The following MAPK10 variants were observed in gnomAD, a reference collection of about 807,000 sequenced individuals.
MAPK10 encodes the protein JNK3 alpha protein kinase.
In MAPK10, 25 loss-of-function variants were observed where a neutral mutation model predicts 59.3. The ratio of observed to expected loss-of-function variants is 0.42; its 90% CI spans 0.31 to 0.59. The LOEUF is 0.59. Among genes scored for constraint, MAPK10 ranks in the 20% least tolerant of loss-of-function variants. The pLI is 0.15. For synonymous variants in MAPK10, 190 were observed against 200.5 expected, an observed-to-expected ratio of 0.95 and a Z score of 0.44; for missense variants, 351 against 568.9, an observed-to-expected ratio of 0.62 and a Z score of 3.90.
chr4:86,324,375 C>T (rs555092076), intron 2 of MAPK10, among the ~76,000 whole-genome samples: 2 of 151,884 alleles, frequency 1.3e-5, no homozygotes, highest in Middle Eastern at 3.4e-3. Flanking sequence ...CGTGCCATTG[C>T]ACTCCAACCT....
chr4:86,562,717 A>C (rs571545957), intron 1 of MAPK10, among the ~76,000 whole-genome samples: 7 of 152,098 alleles, frequency 4.6e-5, no homozygotes, highest in Non-Finnish European at 4.4e-5. Flanking sequence ...ATAAAAAAAA[A>C]CAACTTTACC....
intron 2 of MAPK10, among the ~76,000 whole-genome samples, chr4:86,233,146 C>G (rs986739531): frequency 1.3e-5 from 2 of 152,172 alleles, no homozygotes; most frequent in Admixed American, 6.5e-5. Flanking sequence ...CAAAAAAGCT[C>G]TTGGCATCAC....
intron 1 of MAPK10, among the ~76,000 whole-genome samples, chr4:86,554,511 C>G (rs1760102148): frequency 6.6e-6 from 1 of 152,202 alleles, no homozygotes; most frequent in Non-Finnish European, 1.5e-5. Context: ...AAAAATTCAT[C>G]TGGAGTGTCC....
chr4:86,168,994 G>A (rs2073026519), intron 3 of MAPK10, among the ~76,000 whole-genome samples: 1 of 152,152 alleles, frequency 6.6e-6, no homozygotes, highest in African/African-American at 2.4e-5. Context: ...CAGACCTGCA[G>A]CTGAGGGTCC....
At chr4:86,319,162 T>C (rs1324182009) in intron 2 of MAPK10, among the ~76,000 whole-genome samples, 1 of 151,994 alleles carries the variant, frequency 6.6e-6, no homozygotes, top group Non-Finnish European at 1.5e-5. Context: ...AATCTATTGA[T>C]AAAGGAAGAG....
chr4:86,203,650 C>A (rs2083145062), intron 2 of MAPK10, among the ~76,000 whole-genome samples: 1 of 150,180 alleles, frequency 6.7e-6, no homozygotes, highest in Non-Finnish European at 1.5e-5. Flanking sequence ...TTTATAACAG[C>A]CTGCAAGCAT....
chr4:86,316,186 G>A (rs911645193), intron 2 of MAPK10, among the ~76,000 whole-genome samples: 5 of 152,054 alleles, frequency 3.3e-5, no homozygotes, highest in Admixed American at 3.3e-4. Context: ...CAAAGAAAAA[G>A]AGATAGCAAA....
chr4:86,547,782 C>T (rs939480173), intron 1 of MAPK10, among the ~76,000 whole-genome samples: 5 of 152,192 alleles, frequency 3.3e-5, no homozygotes, highest in East Asian at 1.9e-4. Context: ...CACTCTGTAT[C>T]TAGCTCAAGG....
chr4:86,245,824 C>G (rs2093048658), intron 2 of MAPK10, among the ~76,000 whole-genome samples: 1 of 152,120 alleles, frequency 6.6e-6, no homozygotes, highest in Non-Finnish European at 1.5e-5. Context: ...CCTTCTGGTC[C>G]AGTTTTCTGA....
intron 2 of MAPK10, among the ~76,000 whole-genome samples, chr4:86,276,305 T>A (rs1305030698): frequency 1.3e-5 from 2 of 152,098 alleles, no homozygotes; most frequent in African/African-American, 2.4e-5. Context: ...TCAAATTAAT[T>A]TCACTCTTTT....
chr4:86,216,186 T>C (rs896302769), intron 2 of MAPK10, among the ~76,000 whole-genome samples: 3 of 151,432 alleles, frequency 2.0e-5, no homozygotes, highest in Admixed American at 2.0e-4. Flanking sequence ...ATAGCAGTAT[T>C]ATTCACACTA....
chr4:86,506,508 A>T, intron 1 of MAPK10, among the ~76,000 whole-genome samples: 1 of 152,186 alleles, frequency 6.6e-6, no homozygotes, highest in South Asian at 2.1e-4. Context: ...CCTGGCACAG[A>T]GTAAGTGCTG....
chr4:86,120,726 G>A (rs533708063), intron 4 of MAPK10: 7 of 152,086 alleles, frequency 4.6e-5, no homozygotes, highest in African/African-American at 9.6e-5. Flanking sequence ...TTATCTAGTC[G>A]ATGTTTTAGT....
At chr4:86,505,351 C>T (rs535125871) in intron 1 of MAPK10, among the ~76,000 whole-genome samples, 1 of 152,130 alleles carries the variant, frequency 6.6e-6, no homozygotes, top group Non-Finnish European at 1.5e-5. Flanking sequence ...TGGCTCACAC[C>T]TATAATCTCA....
chr4:86,592,212 T>C (rs190629513), intron 1 of MAPK10, among the ~76,000 whole-genome samples: 2 of 152,302 alleles, frequency 1.3e-5, no homozygotes, highest in East Asian at 3.9e-4. Context: ...TTTTACATTA[T>C]ATCCAAAAGG....
At chr4:86,304,622 G>A (rs867993034) in intron 2 of MAPK10, among the ~76,000 whole-genome samples, 2 of 151,702 alleles carry the variant, frequency 1.3e-5, no homozygotes, top group Non-Finnish European at 2.9e-5. Flanking sequence ...TCGATCTCCT[G>A]ACCTTGTGAT....
chr4:86,407,420 G>A (rs551293910), intron 1 of MAPK10, among the ~76,000 whole-genome samples: 1 of 152,256 alleles, frequency 6.6e-6, no homozygotes, highest in African/African-American at 2.4e-5. Flanking sequence ...AAAGATGAGT[G>A]CAGAGTGGGG....
At chr4:86,109,751 G>A (rs1230290530) in intron 4 of MAPK10, among the ~76,000 whole-genome samples, 5 of 152,092 alleles carry the variant, frequency 3.3e-5, no homozygotes, top group East Asian at 3.9e-4. Context: ...GTATATACCC[G>A]GTAATGGAAT....
chr4:86,588,473 C>G (rs768630732), intron 1 of MAPK10, among the ~76,000 whole-genome samples: 2 of 152,062 alleles, frequency 1.3e-5, no homozygotes, highest in Non-Finnish European at 2.9e-5. Flanking sequence ...AAACAGAAAT[C>G]AGATCATACT....
Sources: gnomAD v4.1 joint callset for allele counts (sites outside exome capture counted in the v4.1 genomes callset) on GRCh38, gnomAD v4.1.1 for gene constraint, MANE v1.5 for transcripts, NCBI Gene and HGNC (gene_info 2026-07-23, HGNC 2026-07-21) for gene names.